Variants in ABL1 observed in about 807,000 individuals in gnomAD.
ABL1 encodes ABL proto-oncogene 1, non-receptor tyrosine kinase.
Under a neutral mutation model 94.7 loss-of-function variants are expected in ABL1, and 11 were observed. The observed-to-expected ratio is 0.12, with a 90% CI of 0.07 to 0.19. The LOEUF (loss-of-function observed/expected upper bound fraction) is 0.19. Ranked by LOEUF, ABL1 falls within the 10% of genes least tolerant of loss-of-function variation. ABL1 has a pLI of 1.00. For synonymous variants in ABL1, 656 were observed against 622.4 expected, an observed-to-expected ratio of 1.05 and a Z score of -0.80; for missense variants, 1,082 against 1,489.4, an observed-to-expected ratio of 0.73 and a Z score of 4.50.
chr9:130,741,136 C>T (rs961521053), intron 1 of ABL1, among the ~76,000 whole-genome samples: 1 of 152,150 alleles, frequency 6.6e-6, no homozygotes, highest in African/African-American at 2.4e-5. Flanking sequence ...CTAGAAGGGT[C>T]CTGGAGGTTT....
At chr9:130,858,351 T>C (rs1156404917) in intron 3 of ABL1, among the ~76,000 whole-genome samples, 1 of 152,058 alleles carries the variant, frequency 6.6e-6, no homozygotes, top group Non-Finnish European at 1.5e-5. Flanking sequence ...GCCAGGTGGG[T>C]TTGTTTCATT....
At position 130,862,850 on chromosome 9, in the gene ABL1, C is replaced by A; in HGVS notation, c.637C>A (p.Leu213Ile). The A allele has an allele frequency of 6.2e-7, 1 of 1,614,138 alleles. No individual in the cohort carries two copies. Among genetic ancestry groups the A allele is most frequent in the Non-Finnish European group, 8.5e-7 (1 of 1,180,032 alleles). Residue 213 changes from leucine (L) to isoleucine (I), a missense_variant, in exon 4 of 11, where the codon CTC becomes ATC. Coordinates refer to ENST00000318560, the MANE Select transcript of ABL1 (RefSeq NM_005157.6). This position sits in a 1 kb window ranked among gnomAD's most constrained non-coding sequence, Gnocchi z 5.5. Reference protein sequence around the residue: ...STVADGLITTLHYPAPKRNKP... With the variant: ...STVADGLITTIHYPAPKRNKP... The stretch of plus-strand genomic sequence containing the variant: ...GGTGGCCGACGGGCTCATCACCACG[C>A]TCCATTATCCAGCCCCAAAGCGCAA...
chr9:130,881,701 A>G (rs1831456749), intron 10 of ABL1, among the ~76,000 whole-genome samples: 1 of 152,122 alleles, frequency 6.6e-6, no homozygotes, highest in South Asian at 2.1e-4. Flanking sequence ...GGGTAGGCCA[A>G]GCATCTGGGT....
intron 4 of ABL1, among the ~76,000 whole-genome samples, chr9:130,864,419 A>G (rs1831123326): frequency 6.6e-6 from 1 of 151,748 alleles, no homozygotes; most frequent in Admixed American, 6.6e-5. Context: ...TAATTTTTGT[A>G]TTTTTAGTAG....
intron 1 of ABL1, among the ~76,000 whole-genome samples, chr9:130,765,815 T>C (rs529580487): frequency 6.6e-6 from 1 of 152,296 alleles, no homozygotes; most frequent in East Asian, 1.9e-4. Context: ...TTTTGGAAAG[T>C]TACTGTGAAT....
intron 3 of ABL1, among the ~76,000 whole-genome samples, chr9:130,859,222 G>A (rs997725072): frequency 2.0e-5 from 3 of 152,276 alleles, no homozygotes; most frequent in African/African-American, 2.4e-5. Flanking sequence ...CACGTTCCTC[G>A]ATTCCTTCTA....
chr9:130,728,119 G>A (rs1347253870), intron 1 of ABL1, among the ~76,000 whole-genome samples: 1 of 151,948 alleles, frequency 6.6e-6, no homozygotes, highest in Admixed American at 6.6e-5. Context: ...AGGCTGGAGT[G>A]CAGTGGCAAT....
intron 6 of ABL1, among the ~76,000 whole-genome samples, chr9:130,873,916 A>G (rs1468081882): frequency 6.6e-6 from 1 of 152,232 alleles, no homozygotes; most frequent in African/African-American, 2.4e-5. Flanking sequence ...CAGATTTTCT[A>G]TGCTCCATGA....
chr9:130,877,943 G>A (rs1831378715), intron 7 of ABL1, among the ~76,000 whole-genome samples: 1 of 151,776 alleles, frequency 6.6e-6, no homozygotes, highest in Admixed American at 6.6e-5. Flanking sequence ...CTCCCGAGTA[G>A]CTGGGACTAT....
intron 1 of ABL1, among the ~76,000 whole-genome samples, chr9:130,750,227 A>ATATATCTATC (rs1554759829): frequency 7.5e-6 from 1 of 132,930 alleles, no homozygotes; most frequent in South Asian, 2.3e-4. Context: ...ATATATATAT[A>ATATATCTATC]TATATATATC....
Position 130,792,946 on chromosome 9 carries a change from A to T in ABL1, c.137-61118A>T, listed in dbSNP as rs376282053. Reference sequence around the variant, plus strand: ...AAGGGTAATACTTTTTATTTTTGAGATGGATTTTCACTATTGTCACCCAGG... The same window carrying T: ...AAGGGTAATACTTTTTATTTTTGAGTTGGATTTTCACTATTGTCACCCAGG... On this transcript the variant is annotated intron_variant, in intron 1 of 10. Transcript: ENST00000372348. 2.6e-5 allele frequency among the ~76,000 whole-genome samples: 4 copies of T among 152,260 alleles called. No homozygotes were observed. In the East Asian group the frequency reaches 5.8e-4, roughly 22 times the overall value.
intron 1 of ABL1, among the ~76,000 whole-genome samples, chr9:130,773,326 A>C (rs970728162): frequency 6.6e-6 from 1 of 151,966 alleles, no homozygotes; most frequent in African/African-American, 2.4e-5. Flanking sequence ...TCTCGAATTT[A>C]AAAAAAAATT....
rs1831579647 is a variant in ABL1, at chr9:130,886,144, C to T, written c.*461C>T. On this transcript the variant is annotated 3_prime_UTR_variant, in exon 11 of 11. Coordinates refer to ENST00000318560, the MANE Select transcript of ABL1 (RefSeq NM_005157.6). ...GAGGCCTTGTGTGTCAGGCCCTCTG[C>T]CTGCACTCCCTGGCCTTGCCCGTCG... is the stretch of plus-strand genomic sequence containing the variant. 4.0e-6 allele frequency: 1 copy of T among 247,840 alleles called. No individual in the cohort carries two copies. The highest frequency in any genetic ancestry group is 7.9e-6 in the Non-Finnish European group (1 of 127,176). 15.4% of individuals were successfully genotyped at this position (247,840 alleles called of 1,614,324 possible).
chr9:130,809,386 G>A (rs1830172930), intron 1 of ABL1, among the ~76,000 whole-genome samples: 1 of 48,462 alleles, frequency 2.1e-5, no homozygotes, highest in Non-Finnish European at 3.8e-5. Flanking sequence ...GTTCTTGAGA[G>A]AGAGAGAGAG....
intron 1 of ABL1, among the ~76,000 whole-genome samples, chr9:130,764,047 C>T (rs1832150954): frequency 1.3e-5 from 2 of 152,024 alleles, no homozygotes; most frequent in African/African-American, 2.4e-5. Context: ...GCTGAGTGGG[C>T]GTTTGGGAGG....
intron 1 of ABL1, among the ~76,000 whole-genome samples, chr9:130,818,805 A>G (rs891495821): frequency 1.3e-5 from 2 of 152,200 alleles, no homozygotes; most frequent in Non-Finnish European, 2.9e-5. Flanking sequence ...GGTCACTTGT[A>G]TGTTTTTAAT....
intron 1 of ABL1, among the ~76,000 whole-genome samples, chr9:130,778,651 C>T (rs1181490571): frequency 6.6e-6 from 1 of 151,704 alleles, no homozygotes; most frequent in Non-Finnish European, 1.5e-5. Flanking sequence ...CAATGCTTGC[C>T]CATCCACTTT....
At position 130,835,571 on chromosome 9, in the gene ABL1, C is replaced by A. The variant is rs1378100842; in HGVS notation, c.79+46C>A. 2 of 1,506,248 alleles carry A rather than the reference C, an allele frequency of 1.3e-6. No individual in the cohort carries two copies. The highest frequency in any genetic ancestry group is 1.8e-6 in the Non-Finnish European group (2 of 1,109,520). The allele number at this position is 1,506,248 out of a possible 1,614,324, so 93.3% of individuals were successfully genotyped here. A position where few individuals can be genotyped will look rare whatever the true frequency, so the allele number is the denominator to read the frequency against. On this transcript the variant is annotated intron_variant, in intron 1 of 10. Transcript: ENST00000318560. This position sits in a 1 kb window ranked among gnomAD's most constrained non-coding sequence, Gnocchi z 4.6. ...TTGGGCTGAGTAGCCGCGCGCCCTC[C>A]CGCTGCTGCTGGGCCCTTCCTAGGC...
In ABL1 at chr9:130,818,552, A is replaced by C. The variant is rs79473717; in HGVS notation, c.137-35512A>C. ...TGGGTATTGTAGCTAAGAAATCTTCACCTAACTCAAGTTTACAAAGATTCT... is the reference window on the plus strand; with the variant it reads ...TGGGTATTGTAGCTAAGAAATCTTCCCCTAACTCAAGTTTACAAAGATTCT... On this transcript the variant is annotated intron_variant, in intron 1 of 10. Coordinates refer to the ABL1 transcript ENST00000372348. Among the ~76,000 whole-genome samples, 8 of 152,204 alleles carry C rather than the reference A, an allele frequency of 5.3e-5. No homozygotes were observed. In the South Asian group the frequency reaches 1.4e-3, roughly 28 times the overall value.
Sources: gnomAD v4.1 joint callset for allele counts (sites outside exome capture counted in the v4.1 genomes callset) on GRCh38, gnomAD v4.1.1 for gene constraint, Gnocchi (gnomAD v3.1) non-coding constraint, MANE v1.5 for transcripts, NCBI Gene and HGNC (gene_info 2026-07-23, HGNC 2026-07-21) for gene names.